CNIH3: variants seen among roughly 807,000 people sequenced by gnomAD.
CNIH3 encodes cornichon family AMPA receptor auxiliary protein 3.
A neutral mutation model predicts 24.1 loss-of-function variants in CNIH3; 14 were observed. The ratio of observed to expected loss-of-function variants is 0.58; its 90% CI spans 0.38 to 0.91. CNIH3 has a LOEUF of 0.91. CNIH3 is among the 40% of genes least tolerant of loss of function. The probability of loss-of-function intolerance (pLI) is 0.00; values close to 1 mark genes in which losing one functional copy is unlikely to be tolerated. For synonymous variants in CNIH3, 68 were observed against 73.8 expected, an observed-to-expected ratio of 0.92 and a Z score of 0.40; for missense variants, 178 against 196.8, an observed-to-expected ratio of 0.90 and a Z score of 0.57.
At chr1:224,552,499 G>C (rs1679963471) in intron 3 of CNIH3, among the ~76,000 whole-genome samples, 1 of 151,570 alleles carries the variant, frequency 6.6e-6, no homozygotes, top group Non-Finnish European at 1.5e-5. Flanking sequence ...TACACCCACT[G>C]TGATATTAGC....
At chr1:224,506,464 C>A (rs528961616) in intron 1 of CNIH3, among the ~76,000 whole-genome samples, 56 of 152,292 alleles carry the variant, frequency 3.7e-4, no homozygotes, top group African/African-American at 1.3e-3. Context: ...CCCTCCTGGC[C>A]CCAGTGCAGA....
At chr1:224,486,313 A>G (rs1326361191) in intron 1 of CNIH3, among the ~76,000 whole-genome samples, 1 of 151,456 alleles carries the variant, frequency 6.6e-6, no homozygotes, top group Non-Finnish European at 1.5e-5. Context: ...GGGCCTTGCC[A>G]TGTTACCCAG....
chr1:224,581,992 A>G (rs112288646), intron 4 of CNIH3, among the ~76,000 whole-genome samples: 111 of 152,230 alleles, frequency 7.3e-4, no homozygotes, highest in African/African-American at 2.6e-3. Flanking sequence ...TTAAACATTT[A>G]TCTGTACAGG....
intron 1 of CNIH3, among the ~76,000 whole-genome samples, chr1:224,624,961 C>T (rs999865418): frequency 2.6e-5 from 4 of 152,134 alleles, no homozygotes; most frequent in Admixed American, 1.3e-4. Flanking sequence ...TCTAGGAAGC[C>T]GCATTCTCCC....
rs530589608 is a variant in CNIH3 at position 224,474,360 on chromosome 1, G to A, written n.203+39498G>A. ...GCCTGGGCAGCAAGAGCAAAACTTCGCCTCAAAAAAAAAAAAAAAAAGTTT... is the reference window on the plus strand; with the variant it reads ...GCCTGGGCAGCAAGAGCAAAACTTCACCTCAAAAAAAAAAAAAAAAAGTTT... On this transcript the variant is annotated intron_variant and non_coding_transcript_variant, in intron 1 of 5. Coordinates refer to the CNIH3 transcript ENST00000471578. Among the ~76,000 whole-genome samples the A allele has an allele frequency of 1.6e-3, 156 of 100,394 alleles. 2 individuals are homozygous for A. In the East Asian group the frequency reaches 0.06, roughly 39 times the overall value. The allele number at this position is 100,394 out of a possible 152,430, so 65.9% of individuals were successfully genotyped here.
intron 5 of CNIH3, 64 bp from the exon 6 acceptor site, chr1:224,739,265 C>T: frequency 6.3e-7 from 1 of 1,575,740 alleles, no homozygotes; most frequent in Non-Finnish European, 8.6e-7. Context: ...AGCCTGAGTC[C>T]TCTGTGGGCT....
intron 3 of CNIH3, among the ~76,000 whole-genome samples, chr1:224,693,579 C>T (rs1163107191): frequency 2.0e-5 from 3 of 152,142 alleles, no homozygotes; most frequent in Admixed American, 6.5e-5. Flanking sequence ...CATCCTCCAG[C>T]GACCACCTGA....
downstream of CNIH3, among the ~76,000 whole-genome samples, chr1:224,540,091 C>T (rs927715749): frequency 1.3e-5 from 2 of 152,156 alleles, no homozygotes; most frequent in Non-Finnish European, 2.9e-5. Flanking sequence ...TGTCTCATAG[C>T]TTCAAAATTT....
rs564772802 is a variant in CNIH3 at position 224,517,181 on chromosome 1, C to T, written n.15+1305C>T. On this transcript the variant is annotated intron_variant and non_coding_transcript_variant, in intron 1 of 2. Coordinates refer to the CNIH3 transcript ENST00000470602. ...GCTCTCTTGACCTGATGGAGGTTGG[C>T]GGCGGTGGTGGGATGACCTCCATAC... Among the ~76,000 whole-genome samples the T allele has an allele frequency of 7.9e-5, 12 of 152,214 alleles. No homozygotes were observed. The South Asian group carries it at 1.0e-3, about 13-fold the overall frequency.
intron 2 of CNIH3, among the ~76,000 whole-genome samples, chr1:224,533,188 T>C (rs1168174850): frequency 2.2e-4 from 34 of 151,272 alleles, no homozygotes; most frequent in Admixed American, 2.2e-3. Context: ...AGAGTTGGGT[T>C]ACAGATTAAA....
intron 4 of CNIH3, among the ~76,000 whole-genome samples, chr1:224,571,827 G>T (rs1047758310): frequency 2.0e-5 from 3 of 152,146 alleles, no homozygotes; most frequent in African/African-American, 7.2e-5. Flanking sequence ...AAGAGAGAGG[G>T]TGAGGGAGGG....
At chr1:224,583,484 G>A (rs1174421422) in intron 5 of CNIH3, among the ~76,000 whole-genome samples, 5 of 152,222 alleles carry the variant, frequency 3.3e-5, no homozygotes, top group South Asian at 2.1e-4. Flanking sequence ...CAACTCTCCC[G>A]TTCATTATTA....
intron 3 of CNIH3, among the ~76,000 whole-genome samples, chr1:224,565,095 A>G (rs1276276169): frequency 6.6e-6 from 1 of 152,244 alleles, no homozygotes; most frequent in African/African-American, 2.4e-5. Context: ...GGCAGGCAAT[A>G]AAACTGGTCC....
At chr1:224,587,969 A>G (rs548402255) in intron 5 of CNIH3, among the ~76,000 whole-genome samples, 85 of 151,996 alleles carry the variant, frequency 5.6e-4, no homozygotes, top group Middle Eastern at 3.4e-3. Context: ...AACAAAACCT[A>G]AAAACTAACA....
intron 1 of CNIH3, among the ~76,000 whole-genome samples, chr1:224,463,402 A>G (rs987946727): frequency 6.8e-6 from 1 of 147,542 alleles, no homozygotes; most frequent in Non-Finnish European, 1.5e-5. Context: ...AGTTATTAGC[A>G]TGAATACAAG....
intron 3 of CNIH3, among the ~76,000 whole-genome samples, chr1:224,602,336 T>C (rs1406093048): frequency 1.3e-5 from 2 of 152,238 alleles, no homozygotes; most frequent in Admixed American, 6.5e-5. Flanking sequence ...ACATGCTGTA[T>C]AGCAACATTT....
chr1:224,553,484 T>C (rs571897068), intron 3 of CNIH3, among the ~76,000 whole-genome samples: 44 of 152,234 alleles, frequency 2.9e-4, no homozygotes, highest in Non-Finnish European at 5.3e-4. Context: ...TCTGGTGCGA[T>C]GTGGCCATAT....
intron 1 of CNIH3, among the ~76,000 whole-genome samples, chr1:224,645,110 T>G (rs1684539367): frequency 6.6e-6 from 1 of 152,178 alleles, no homozygotes; most frequent in Admixed American, 6.5e-5. Flanking sequence ...TATTTCAGTT[T>G]TACAGATGCA....
intron 1 of CNIH3, among the ~76,000 whole-genome samples, chr1:224,672,181 A>C (rs1050756086): frequency 6.6e-6 from 1 of 151,828 alleles, no homozygotes; most frequent in Non-Finnish European, 1.5e-5. Flanking sequence ...CTAAATTAGA[A>C]TTGTATTCTG....
Sources: gnomAD v4.1 joint callset for allele counts (sites outside exome capture counted in the v4.1 genomes callset) on GRCh38, gnomAD v4.1.1 for gene constraint, MANE v1.5 for transcripts, NCBI Gene and HGNC (gene_info 2026-07-23, HGNC 2026-07-21) for gene names.